The following CSMD3 variants were observed in gnomAD, a reference collection of about 807,000 sequenced individuals.
The protein encoded by CSMD3 is CUB and Sushi multiple domains 3.
CSMD3 carries 177 observed loss-of-function variants against 435.2 expected under a neutral mutation model. The observed-to-expected ratio is 0.41, with a 90% confidence interval of 0.36 to 0.46. The LOEUF is 0.46. Among genes scored for constraint, CSMD3 ranks in the 20% least tolerant of loss-of-function variants. CSMD3 has a pLI of 0.34. For missense variants in CSMD3, 4,265 were observed against 4,504.6 expected (o/e 0.95, Z 1.52); for synonymous variants, 1,656 against 1,520.5 (o/e 1.09, Z -2.07).
intron 7 of CSMD3, among the ~76,000 whole-genome samples, chr8:112,966,546 G>A (rs555791802): frequency 3.3e-5 from 5 of 149,836 alleles, no homozygotes; most frequent in African/African-American, 9.8e-5. Context: ...TTTGAAACAT[G>A]GTAAGTAAAG....
At chr8:113,428,332 T>G (rs1270560043) in intron 1 of CSMD3, among the ~76,000 whole-genome samples, 1 of 151,718 alleles carries the variant, frequency 6.6e-6, no homozygotes, top group Admixed American at 6.6e-5. Context: ...AATGTTTCTC[T>G]TAAAAATGAA....
At chr8:113,084,359 G>C (rs550007927) in intron 5 of CSMD3, among the ~76,000 whole-genome samples, 2 of 151,588 alleles carry the variant, frequency 1.3e-5, no homozygotes, top group Non-Finnish European at 2.9e-5. Flanking sequence ...TGTAATAGGC[G>C]CAAAAAAATA....
intron 13 of CSMD3, among the ~76,000 whole-genome samples, chr8:112,732,610 T>C (rs1306255730): frequency 6.7e-5 from 10 of 148,456 alleles, no homozygotes; most frequent in Non-Finnish European, 3.0e-5. Context: ...TGCATGCCTG[T>C]GATCCCAGCT....
chr8:113,342,521 A>C (rs2094126701), intron 1 of CSMD3, among the ~76,000 whole-genome samples: 1 of 152,164 alleles, frequency 6.6e-6, no homozygotes, highest in Non-Finnish European at 1.5e-5. Context: ...AAATATTCCA[A>C]GTATTATTTA....
At chr8:112,902,633 G>C (rs1194646314) in intron 10 of CSMD3, among the ~76,000 whole-genome samples, 1 of 151,188 alleles carries the variant, frequency 6.6e-6, no homozygotes, top group Non-Finnish European at 1.5e-5. Context: ...TATACGCACT[G>C]GGCAGAATTC....
intron 34 of CSMD3, 119 bp from the exon 35 acceptor site, chr8:112,406,846 C>G (rs546720999): frequency 1.9e-6 from 1 of 527,964 alleles, no homozygotes; most frequent in Admixed American, 3.3e-5. Context: ...CTTGAATTAA[C>G]AATTTGAATA....
chr8:112,674,875 A>C (rs1350439149), intron 16 of CSMD3, among the ~76,000 whole-genome samples: 1 of 152,176 alleles, frequency 6.6e-6, no homozygotes, highest in Non-Finnish European at 1.5e-5. Context: ...AGAAGAATGA[A>C]AAACCAAACA....
chr8:112,768,157 T>C (rs1000725526), intron 13 of CSMD3, among the ~76,000 whole-genome samples: 1 of 151,240 alleles, frequency 6.6e-6, no homozygotes, highest in Non-Finnish European at 1.5e-5. Flanking sequence ...ATATGCATAA[T>C]ATAAATATAT....
At chr8:112,660,849 A>C (rs1444935443) in intron 17 of CSMD3, among the ~76,000 whole-genome samples, 2 of 152,152 alleles carry the variant, frequency 1.3e-5, no homozygotes, top group African/African-American at 4.8e-5. Context: ...ACAAAGAATG[A>C]TTTTTTAATG....
At chr8:113,178,886 T>C (rs1316864071) in intron 3 of CSMD3, among the ~76,000 whole-genome samples, 1 of 151,892 alleles carries the variant, frequency 6.6e-6, no homozygotes, top group Admixed American at 6.6e-5. Context: ...GTATATCCTT[T>C]TCATAGGCTC....
At chr8:113,141,699 C>T (rs1250096282) in intron 4 of CSMD3, among the ~76,000 whole-genome samples, 1 of 150,882 alleles carries the variant, frequency 6.6e-6, no homozygotes, top group Non-Finnish European at 1.5e-5. Flanking sequence ...TAACAAAGAA[C>T]ATTAACAAAT....
intron 5 of CSMD3, among the ~76,000 whole-genome samples, chr8:113,066,220 A>G (rs1482866324): frequency 1.3e-5 from 2 of 151,914 alleles, no homozygotes; most frequent in Non-Finnish European, 2.9e-5. Flanking sequence ...TTAATTATTA[A>G]TGATAAAATA....
At chr8:113,026,654 A>C (rs1272724569) in intron 5 of CSMD3, among the ~76,000 whole-genome samples, 2 of 152,214 alleles carry the variant, frequency 1.3e-5, no homozygotes, top group Non-Finnish European at 2.9e-5. Context: ...AATGAAGAGA[A>C]GTTATTTGGG....
At chr8:112,504,017 G>C (rs1320468381) in intron 29 of CSMD3, 40 bp from the exon 30 acceptor site, 3 of 1,297,592 alleles carry the variant, frequency 2.3e-6, no homozygotes, top group South Asian at 1.2e-5. Context: ...AGAAAGAGAA[G>C]TAGGATAATT....
At chr8:113,160,766 G>C (rs1475510120) in intron 4 of CSMD3, among the ~76,000 whole-genome samples, 1 of 152,030 alleles carries the variant, frequency 6.6e-6, no homozygotes, top group Non-Finnish European at 1.5e-5. Context: ...TGCTTAGGAA[G>C]CAAATAATAA....
At chr8:112,331,465 AT>A in intron 45 of CSMD3, among the ~76,000 whole-genome samples, 1 of 152,074 alleles carries the variant, frequency 6.6e-6, no homozygotes, top group East Asian at 1.9e-4. Flanking sequence ...TATAAATGTT[AT>A]TTTTGATCAT....
intron 11 of CSMD3, among the ~76,000 whole-genome samples, chr8:112,834,188 A>T (rs1239710462): frequency 6.6e-6 from 1 of 151,944 alleles, no homozygotes; most frequent in African/African-American, 2.4e-5. Context: ...TTACTAACTA[A>T]TCCATATACT....
chr8:112,378,097 A>G (rs563943549), intron 38 of CSMD3, among the ~76,000 whole-genome samples: 7 of 152,212 alleles, frequency 4.6e-5, no homozygotes, highest in East Asian at 1.9e-4. Context: ...ATGCAGAACA[A>G]CATGATGACT....
chr8:112,743,614 A>C (rs915760865), intron 13 of CSMD3, among the ~76,000 whole-genome samples: 77 of 152,102 alleles, frequency 5.1e-4, no homozygotes, highest in African/African-American at 1.7e-3. Context: ...TATAATTTTT[A>C]ATATATAGCA....
Sources: gnomAD v4.1 joint callset for allele counts (sites outside exome capture counted in the v4.1 genomes callset) on GRCh38, gnomAD v4.1.1 for gene constraint, MANE v1.5 for transcripts, NCBI Gene and HGNC (gene_info 2026-07-23, HGNC 2026-07-21) for gene names.